OSBPL10: variants seen among roughly 807,000 people sequenced by gnomAD.
OSBPL10 encodes the protein oxysterol-binding protein-related protein 10.
OSBPL10 carries 49 observed loss-of-function variants against 81.7 expected under a neutral mutation model. The ratio of observed to expected loss-of-function variants is 0.60; its 90% CI spans 0.48 to 0.76. The LOEUF is 0.76. Among genes scored for constraint, OSBPL10 ranks in the 30% least tolerant of loss-of-function variants. The pLI is 0.00. For missense variants in OSBPL10, 923 were observed against 987.8 expected (o/e 0.93, Z 0.88); for synonymous variants, 419 against 383.6 (o/e 1.09, Z -1.08).
At chr3:32,020,652 A>G (rs2125544942) in intron 2 of OSBPL10, among the ~76,000 whole-genome samples, 1 of 152,256 alleles carries the variant, frequency 6.6e-6, no homozygotes, top group Admixed American at 6.5e-5. Flanking sequence ...GCAATTAAGG[A>G]GATGATTTCA....
rs1468166278 is a variant in OSBPL10, at chr3:31,720,552, G to A, written c.1095+12705C>T. On this transcript the variant is annotated intron_variant, in intron 6 of 11. Transcript: ENST00000396556. ...GCCTAGTTTTATCTCCATGCTCTAT[G>A]TAATGTATTCTGTGAATGCCAGCCA... Among the ~76,000 whole-genome samples, 4 of 152,304 alleles carry A rather than the reference G, an allele frequency of 2.6e-5. No individual in the cohort carries two copies. In the East Asian group the frequency reaches 7.7e-4, roughly 29 times the overall value.
At chr3:31,840,858 C>T (rs1178455167) in intron 3 of OSBPL10, among the ~76,000 whole-genome samples, 1 of 152,236 alleles carries the variant, frequency 6.6e-6, no homozygotes, top group Non-Finnish European at 1.5e-5. Context: ...AAACTGTAGG[C>T]TCACAGGCTT....
intron 1 of OSBPL10, among the ~76,000 whole-genome samples, chr3:32,059,124 C>T (rs904828376): frequency 6.6e-6 from 1 of 152,100 alleles, no homozygotes; most frequent in African/African-American, 2.4e-5. Context: ...TGATGAAACC[C>T]TGTCTCTACA....
At position 31,827,877 on chromosome 3, in the gene OSBPL10, T is replaced by C. The variant is rs192134513; in HGVS notation, c.729+2163A>G. Among the ~76,000 whole-genome samples the C allele has an allele frequency of 1.3e-3, 194 of 152,338 alleles. 2 individuals are homozygous for C. In the Middle Eastern group the frequency reaches 0.017, roughly 13 times the overall value. On this transcript the variant is annotated intron_variant, in intron 4 of 11. Transcript: ENST00000396556. ...CACCCATACACAAAAGCCATACTTATTTTAAAAATTTGAATTCTTTTTAAA... is the reference window on the plus strand; with the variant it reads ...CACCCATACACAAAAGCCATACTTACTTTAAAAATTTGAATTCTTTTTAAA...
intron 1 of OSBPL10, among the ~76,000 whole-genome samples, chr3:31,919,068 G>C (rs2125703617): frequency 6.6e-6 from 1 of 152,176 alleles, no homozygotes; most frequent in Non-Finnish European, 1.5e-5. Context: ...CCAAATGCTG[G>C]GCTTTTGCTC....
chr3:31,968,181 A>G (rs1698455634), intron 1 of OSBPL10, among the ~76,000 whole-genome samples: 1 of 152,202 alleles, frequency 6.6e-6, no homozygotes, highest in African/African-American at 2.4e-5. Flanking sequence ...TAAATGTTAA[A>G]ATAAATACTT....
chr3:31,901,580 G>T (rs1179356257), intron 1 of OSBPL10, among the ~76,000 whole-genome samples: 1 of 152,154 alleles, frequency 6.6e-6, no homozygotes, highest in East Asian at 1.9e-4. Context: ...CTGTCACTCT[G>T]CCCCATAGCA....
chr3:31,997,564 T>C (rs1699102389), intron 2 of OSBPL10, among the ~76,000 whole-genome samples: 1 of 151,856 alleles, frequency 6.6e-6, no homozygotes, highest in Non-Finnish European at 1.5e-5. Context: ...GCAAACATCA[T>C]TCATTGTTAA....
intron 10 of OSBPL10, among the ~76,000 whole-genome samples, chr3:31,665,806 C>T (rs903392966): frequency 2.0e-5 from 3 of 152,126 alleles, no homozygotes; most frequent in Middle Eastern, 3.2e-3. Context: ...GAGGGTGGGG[C>T]TGGGCACCAG....
At chr3:31,935,341 G>C (rs1697354961) in intron 1 of OSBPL10, among the ~76,000 whole-genome samples, 3 of 152,036 alleles carry the variant, frequency 2.0e-5, no homozygotes, top group Admixed American at 2.0e-4. Flanking sequence ...GAACTGTGCA[G>C]TAAATAAACA....
chr3:31,720,526 A>G (rs1696600608), intron 6 of OSBPL10, among the ~76,000 whole-genome samples: 1 of 152,176 alleles, frequency 6.6e-6, no homozygotes, highest in Non-Finnish European at 1.5e-5. Context: ...CCAGAGGTTG[A>G]GCCTAGTTTT....
At chr3:31,972,160 G>A (rs550807548) in intron 1 of OSBPL10, among the ~76,000 whole-genome samples, 27 of 152,296 alleles carry the variant, frequency 1.8e-4, no homozygotes, top group African/African-American at 5.1e-4. Flanking sequence ...AGGCCAAGGC[G>A]GGCGGATCAC....
At chr3:31,969,471 T>C (rs1217711118) in intron 1 of OSBPL10, 1 of 149,134 alleles carries the variant, frequency 6.7e-6, no homozygotes, top group Non-Finnish European at 1.5e-5. Context: ...AGAAAGATAT[T>C]CTGCCCAAAG....
intron 1 of OSBPL10, among the ~76,000 whole-genome samples, chr3:31,979,816 G>A (rs901129209): frequency 1.3e-5 from 2 of 151,844 alleles, no homozygotes; most frequent in Non-Finnish European, 2.9e-5. Flanking sequence ...TGCCTCCTGA[G>A]CCCCTTTCCT....
At chr3:31,905,541 G>A (rs1248085849) in intron 1 of OSBPL10, among the ~76,000 whole-genome samples, 1 of 151,640 alleles carries the variant, frequency 6.6e-6, no homozygotes, top group Non-Finnish European at 1.5e-5. Context: ...GTAGAGACAT[G>A]GTTTCGCCAT....
intron 4 of OSBPL10, among the ~76,000 whole-genome samples, chr3:31,822,599 A>G (rs1245363470): frequency 6.6e-6 from 1 of 152,120 alleles, no homozygotes; most frequent in Non-Finnish European, 1.5e-5. Flanking sequence ...GTTAAAAACT[A>G]TTGTAATAAC....
At chr3:31,662,811 A>G in intron 11 of OSBPL10, 1 of 985,444 alleles carries the variant, frequency 1.0e-6, no homozygotes. Flanking sequence ...CAGAAGCCAG[A>G]CAAACTAGCT....
chr3:31,940,948 T>C (rs1421752644), intron 1 of OSBPL10, among the ~76,000 whole-genome samples: 1 of 152,090 alleles, frequency 6.6e-6, no homozygotes, highest in African/African-American at 2.4e-5. Context: ...AACTCTCTCA[T>C]CTTAAAAAAG....
chr3:31,991,183 T>A (rs111514380), intron 2 of OSBPL10: 1 of 598,272 alleles, frequency 1.7e-6, no homozygotes, highest in Admixed American at 3.3e-5. Flanking sequence ...GGGTGGCTTA[T>A]ACCTGTAATC....
Sources: allele counts gnomAD v4.1 joint callset (sites outside exome capture counted in the v4.1 genomes callset), GRCh38; gene constraint gnomAD v4.1.1; transcripts MANE v1.5; gene names NCBI Gene and HGNC (gene_info 2026-07-23, HGNC 2026-07-21).